Variants in FARS2 observed in about 807,000 individuals in gnomAD.
FARS2 encodes the protein phenylalanyl-tRNA synthetase 2, mitochondrial, also known as phenylalanine--tRNA ligase, mitochondrial.
In FARS2, 40 loss-of-function variants were observed where a neutral mutation model predicts 46.4. That is an observed-to-expected ratio of 0.86 (90% confidence interval 0.67 to 1.12). The LOEUF is 1.12. Ranked by LOEUF, FARS2 falls within the 50% of genes most tolerant of loss-of-function variation. The pLI, the probability that FARS2 is intolerant of heterozygous loss-of-function variation, is 0.00. For synonymous variants in FARS2, 234 were observed against 214.9 expected (o/e 1.09, Z -0.78); for missense variants, 513 against 567.9 (o/e 0.90, Z 0.98).
At chr6:5,408,221 C>A (rs1449412981) in intron 3 of FARS2, among the ~76,000 whole-genome samples, 2 of 152,192 alleles carry the variant, frequency 1.3e-5, no homozygotes, top group African/African-American at 4.8e-5. Context: ...TCTCCGAGCA[C>A]ACAGGCAAGG....
At chr6:5,766,864 T>G (rs1762777406) in intron 6 of FARS2, among the ~76,000 whole-genome samples, 1 of 152,084 alleles carries the variant, frequency 6.6e-6, no homozygotes, top group South Asian at 2.1e-4. Flanking sequence ...TCTCTATAGA[T>G]TCCCCTTTTC....
chr6:5,269,861 T>C (rs1352284536), intron 1 of FARS2, among the ~76,000 whole-genome samples: 1 of 152,088 alleles, frequency 6.6e-6, no homozygotes, highest in African/African-American at 2.4e-5. Flanking sequence ...ATTTCTTTGG[T>C]ATTATAGTGA....
chr6:5,649,037 TGA>T (rs1490444907), intron 6 of FARS2, among the ~76,000 whole-genome samples: 2 of 152,168 alleles, frequency 1.3e-5, no homozygotes, highest in Non-Finnish European at 2.9e-5. Flanking sequence ...TATTCTATTT[TGA>T]CAGACTTACT....
chr6:5,264,515 CAG>C (rs1765414629), intron 1 of FARS2, among the ~76,000 whole-genome samples: 1 of 143,744 alleles, frequency 7.0e-6, no homozygotes, highest in East Asian at 2.0e-4. Flanking sequence ...TTTTTTGAGA[CAG>C]AGTTTCACTC....
At chr6:5,528,389 A>G (rs1769606750) in intron 4 of FARS2, among the ~76,000 whole-genome samples, 1 of 152,100 alleles carries the variant, frequency 6.6e-6, no homozygotes, top group Non-Finnish European at 1.5e-5. Context: ...CTTTTCCAAA[A>G]CATCCATGTT....
chr6:5,337,256 G>A (rs1771227837), intron 1 of FARS2, among the ~76,000 whole-genome samples: 1 of 151,810 alleles, frequency 6.6e-6, no homozygotes, highest in African/African-American at 2.4e-5. Context: ...GTCAAGTCTT[G>A]TGTTAGTTTT....
chr6:5,769,518 T>C (rs1762921939), intron 6 of FARS2, among the ~76,000 whole-genome samples: 1 of 151,874 alleles, frequency 6.6e-6, no homozygotes, highest in African/African-American at 2.4e-5. Flanking sequence ...TTGTGGGAGG[T>C]CCTTGGGGCA....
At chr6:5,601,388 G>T (rs1163637223) in intron 5 of FARS2, among the ~76,000 whole-genome samples, 1 of 152,032 alleles carries the variant, frequency 6.6e-6, no homozygotes, top group Non-Finnish European at 1.5e-5. Flanking sequence ...GCCAGGCATG[G>T]TGGCGGGCGC....
At chr6:5,491,949 T>C (rs1255789647) in intron 4 of FARS2, among the ~76,000 whole-genome samples, 1 of 152,154 alleles carries the variant, frequency 6.6e-6, no homozygotes, top group African/African-American at 2.4e-5. Flanking sequence ...TTTTTGAGGT[T>C]AGAGATCTCC....
In FARS2 at chr6:5,466,436, A is replaced by G. The variant is rs187970; in HGVS notation, c.904+35264A>G. The G allele has an allele frequency of 6.0e-4, 457 of 757,214 alleles. 2 individuals are homozygous for G. The African/African-American group carries it at 6.6e-3, about 11-fold the overall frequency. The allele number at this position is 757,214 out of a possible 1,614,324, so 46.9% of individuals were successfully genotyped here. A position where few individuals can be genotyped will look rare whatever the true frequency, so the allele number is the denominator to read the frequency against. On this transcript the variant is annotated intron_variant, in intron 4 of 6. Coordinates refer to ENST00000274680, the MANE Select transcript of FARS2 (RefSeq NM_006567.5). ...GCTGAGCTCCTTAAAGGCAAGAGCC[A>G]TGTCTTAGTCAGCTCTATATTCCCA...
intron 5 of FARS2, among the ~76,000 whole-genome samples, chr6:5,558,716 TTA>T (rs1027629338): frequency 9.2e-5 from 14 of 151,892 alleles, no homozygotes; most frequent in African/African-American, 3.1e-4. Flanking sequence ...TTTTTATTTT[TTA>T]TTTTTTGTAT....
chr6:5,770,631 T>A (rs1173290871), intron 6 of FARS2, among the ~76,000 whole-genome samples: 2 of 152,202 alleles, frequency 1.3e-5, no homozygotes, highest in Non-Finnish European at 2.9e-5. Context: ...TCTTAGCACC[T>A]GCCATGCAAA....
At chr6:5,261,053 G>A (rs1765077409), upstream of FARS2, 4 of 771,242 alleles carry the variant, frequency 5.2e-6, no homozygotes, top group Non-Finnish European at 6.5e-6. Flanking sequence ...CACGCGGCGG[G>A]AGGGCGGGGA....
intron 5 of FARS2, among the ~76,000 whole-genome samples, chr6:5,576,769 T>C (rs1773009680): frequency 6.6e-6 from 1 of 151,842 alleles, no homozygotes; most frequent in Admixed American, 6.6e-5. Context: ...TCAAAAGGAC[T>C]TTTGAAGATA....
chr6:5,500,635 T>C (rs1767736154), intron 4 of FARS2, among the ~76,000 whole-genome samples: 1 of 152,136 alleles, frequency 6.6e-6, no homozygotes, highest in South Asian at 2.1e-4. Context: ...GGTACCATGG[T>C]TAAGGCACGG....
At chr6:5,543,114 T>C (rs1770733248) in intron 4 of FARS2, among the ~76,000 whole-genome samples, 1 of 152,224 alleles carries the variant, frequency 6.6e-6, no homozygotes, top group Admixed American at 6.5e-5. Flanking sequence ...CAGCCTGTGA[T>C]GTGCTGGAAA....
intron 6 of FARS2, among the ~76,000 whole-genome samples, chr6:5,723,426 A>G (rs1760041374): frequency 6.6e-6 from 1 of 152,208 alleles, no homozygotes; most frequent in African/African-American, 2.4e-5. Context: ...GACACGCTGC[A>G]GACCCTTCCA....
intron 4 of FARS2, among the ~76,000 whole-genome samples, chr6:5,478,665 A>G (rs1483726470): frequency 2.0e-5 from 3 of 152,208 alleles, no homozygotes; most frequent in African/African-American, 7.2e-5. Context: ...CTGTCTTGCA[A>G]GTGCGGAACA....
At chr6:5,767,170 C>T (rs556755184) in intron 6 of FARS2, among the ~76,000 whole-genome samples, 14 of 152,090 alleles carry the variant, frequency 9.2e-5, no homozygotes, top group Non-Finnish European at 1.6e-4. Context: ...ATTCTTGTGC[C>T]TCAGCCTCCC....
Sources: gnomAD v4.1 joint callset for allele counts (sites outside exome capture counted in the v4.1 genomes callset) on GRCh38, gnomAD v4.1.1 for gene constraint, MANE v1.5 for transcripts, NCBI Gene and HGNC (gene_info 2026-07-23, HGNC 2026-07-21) for gene names.